COL5A2: variants seen among roughly 807,000 people sequenced by gnomAD.
COL5A2 encodes collagen type V alpha 2 chain, also known as collagen alpha-2(V) chain.
COL5A2 carries 23 observed loss-of-function variants against 208.2 expected under a neutral mutation model. The ratio of observed to expected loss-of-function variants is 0.11; its 90% confidence interval spans 0.08 to 0.16. The LOEUF (loss-of-function observed/expected upper bound fraction) is 0.16. COL5A2 is among the 10% of genes least tolerant of loss of function. COL5A2 has a pLI of 1.00. For synonymous variants in COL5A2, 625 were observed against 628.5 expected (o/e 0.99, Z 0.08); for missense variants, 1,590 against 1,956.4 (o/e 0.81, Z 3.53).
intron 29 of COL5A2, 131 bp from the exon 30 acceptor site, chr2:189,061,746 T>C: frequency 1.3e-6 from 1 of 740,996 alleles, no homozygotes; most frequent in South Asian, 1.5e-5. Flanking sequence ...TTTAGCCAGG[T>C]AATAAACTAG....
chr2:189,144,700 T>A (rs996456096), intron 1 of COL5A2, among the ~76,000 whole-genome samples: 1 of 152,188 alleles, frequency 6.6e-6, no homozygotes, highest in South Asian at 2.1e-4. Context: ...TGCTTATAAT[T>A]CCAACAAATA....
At chr2:189,042,650 C>A in intron 49 of COL5A2, 70 bp downstream of exon 49, 1 of 1,435,724 alleles carries the variant, frequency 7.0e-7, no homozygotes, top group Non-Finnish European at 9.7e-7. Context: ...AAACGATACT[C>A]AAGCATTAGC....
chr2:189,416,099 T>C, the COL5A2 span, among the ~76,000 whole-genome samples: 1 of 152,200 alleles, frequency 6.6e-6, no homozygotes, highest in Non-Finnish European at 1.5e-5. Context: ...AGGAACACTT[T>C]TACACTGTTG....
At chr2:189,241,782 T>A in the COL5A2 span, among the ~76,000 whole-genome samples, 1 of 152,194 alleles carries the variant, frequency 6.6e-6, no homozygotes, top group Non-Finnish European at 1.5e-5. Flanking sequence ...AGTAGTTGGG[T>A]CCAAAGCTGA....
chr2:189,410,220 T>C, the COL5A2 span, among the ~76,000 whole-genome samples: 4,252 of 152,258 alleles, frequency 0.028, 197 homozygotes, highest in African/African-American at 0.097. Flanking sequence ...GAAAATATTG[T>C]CTAATTAAAT....
rs1685392037 is a variant in COL5A2 at position 189,034,055 on chromosome 2, G to A, written c.*15C>T. Reference sequence around the variant, plus strand: ...ATTGATGGTGGTGCTCATTGTCGATGTGTCTTGGCTTACTTTACACAAAAC... The same window carrying A: ...ATTGATGGTGGTGCTCATTGTCGATATGTCTTGGCTTACTTTACACAAAAC... On this transcript the variant is annotated 3_prime_UTR_variant, in exon 54 of 54. Coordinates refer to ENST00000374866, the MANE Select transcript of COL5A2 (RefSeq NM_000393.5). 2 of 1,613,884 alleles carry A rather than the reference G, an allele frequency of 1.2e-6. No homozygotes were observed. The highest frequency in any genetic ancestry group is 1.7e-6 in the Non-Finnish European group (2 of 1,179,846).
intron 1 of COL5A2, among the ~76,000 whole-genome samples, chr2:189,166,083 A>G (rs779023172): frequency 3.5e-4 from 53 of 152,158 alleles, no homozygotes; most frequent in Non-Finnish European, 6.2e-4. Flanking sequence ...ATCCCCCAAG[A>G]CATCACTTAG....
At chr2:189,042,813 G>A (rs907471578) in intron 48 of COL5A2, 40 bp from the exon 49 acceptor site, 5 of 1,570,488 alleles carry the variant, frequency 3.2e-6, no homozygotes, top group Non-Finnish European at 4.4e-6. Context: ...CAAAATATTT[G>A]GATCCTGCAT....
chr2:189,249,108 G>C, the COL5A2 span, among the ~76,000 whole-genome samples: 1 of 152,068 alleles, frequency 6.6e-6, no homozygotes, highest in Admixed American at 6.6e-5. Context: ...AGGAAATGAA[G>C]TTAGCAATAT....
rs1686459411 is a variant in COL5A2 at position 189,078,447 on chromosome 2, A to C, written c.1059+69T>G. On this transcript the variant is annotated intron_variant, in intron 16 of 53. Transcript: ENST00000374866. ...TTACTTTCATTTAAAAGGCAAGTTCAGTAAACCAAATCTGAAAATGAATTG... is the reference window on the plus strand; with the variant it reads ...TTACTTTCATTTAAAAGGCAAGTTCCGTAAACCAAATCTGAAAATGAATTG... 21 of 1,296,178 alleles carry C rather than the reference A, an allele frequency of 1.6e-5. No individual in the cohort carries two copies. In the South Asian group the frequency reaches 2.5e-4, roughly 15 times the overall value. The allele number at this position is 1,296,178 out of a possible 1,614,324, so 80.3% of individuals were successfully genotyped here. A position where few individuals can be genotyped will look rare whatever the true frequency, so the allele number is the denominator to read the frequency against.
At chr2:189,276,523 T>C in the COL5A2 span, among the ~76,000 whole-genome samples, 1 of 152,282 alleles carries the variant, frequency 6.6e-6, no homozygotes, top group South Asian at 2.1e-4. Context: ...AAATACGTGC[T>C]GGAGTTTTCA....
chr2:189,317,709 G>A, the COL5A2 span, among the ~76,000 whole-genome samples: 8 of 152,226 alleles, frequency 5.3e-5, no homozygotes, highest in Admixed American at 5.2e-4. Context: ...ATTCCAAAGA[G>A]TAGTTAATCT....
the COL5A2 span, among the ~76,000 whole-genome samples, chr2:189,352,543 G>C: frequency 6.6e-6 from 1 of 152,176 alleles, no homozygotes; most frequent in Non-Finnish European, 1.5e-5. Flanking sequence ...TTTCTCTAAT[G>C]ACCAGTGATG....
chr2:189,175,825 T>C (rs1412768023), intron 1 of COL5A2, among the ~76,000 whole-genome samples: 1 of 152,180 alleles, frequency 6.6e-6, no homozygotes, highest in Non-Finnish European at 1.5e-5. Context: ...AGTGCTGGGA[T>C]TACAGGCATG....
At chr2:189,222,661 C>G (rs1689362419) in intron 1 of COL5A2, among the ~76,000 whole-genome samples, 1 of 152,096 alleles carries the variant, frequency 6.6e-6, no homozygotes, top group Non-Finnish European at 1.5e-5. Flanking sequence ...CTAGGCTGGG[C>G]ACTTGAGAAA....
chr2:189,191,436 T>A (rs1688926953), intron 1 of COL5A2, among the ~76,000 whole-genome samples: 2 of 151,844 alleles, frequency 1.3e-5, no homozygotes, highest in Admixed American at 1.3e-4. Flanking sequence ...AGGTCAGGAG[T>A]TCGCGACCAG....
chr2:189,100,032 A>C lies in COL5A2; in HGVS notation c.369+75T>G, dbSNP rs1184836517. 2.2e-5 allele frequency: 28 copies of C among 1,248,182 alleles called. 1 individual carries two copies. The highest frequency in any genetic ancestry group is 3.0e-5 in the Non-Finnish European group (26 of 857,024). The allele number at this position is 1,248,182 out of a possible 1,614,324, so 77.3% of individuals were successfully genotyped here. A position where few individuals can be genotyped will look rare whatever the true frequency, so the allele number is the denominator to read the frequency against. Reference sequence around the variant, plus strand: ...ATTTATTTTTGAAAGTATGTACATAAGCAATAATATACAATTATACTATAA... The same window carrying C: ...ATTTATTTTTGAAAGTATGTACATACGCAATAATATACAATTATACTATAA... On this transcript the variant is annotated intron_variant, in intron 4 of 53. Transcript: ENST00000374866.
chr2:189,035,551 T>A (rs1309832414), intron 52 of COL5A2, among the ~76,000 whole-genome samples: 1 of 151,868 alleles, frequency 6.6e-6, no homozygotes, highest in African/African-American at 2.4e-5. Flanking sequence ...GAAATACATA[T>A]TAAAAGTTTT....
At chr2:189,081,448 T>C (rs919419542) in intron 12 of COL5A2, among the ~76,000 whole-genome samples, 1 of 152,144 alleles carries the variant, frequency 6.6e-6, no homozygotes, top group South Asian at 2.1e-4. Context: ...AGATAAAATA[T>C]CCTTTTCCTT....
Sources: allele counts gnomAD v4.1 joint callset (sites outside exome capture counted in the v4.1 genomes callset), GRCh38; gene constraint gnomAD v4.1.1; transcripts MANE v1.5; gene names NCBI Gene and HGNC (gene_info 2026-07-23, HGNC 2026-07-21).